ARHGAP8: variants seen among roughly 807,000 people sequenced by gnomAD.
ARHGAP8 encodes the protein Rho GTPase activating protein 8.
In ARHGAP8, 62 loss-of-function variants were observed where a neutral mutation model predicts 46.1. The observed-to-expected ratio is 1.34, with a 90% CI of 1.10 to 1.66. The LOEUF (loss-of-function observed/expected upper bound fraction) is 1.66. ARHGAP8 is among the 40% of genes most tolerant of loss of function. The pLI is 0.00. For missense variants in ARHGAP8, 923 were observed against 568.4 expected (o/e 1.62, Z -6.34); for synonymous variants, 375 against 243.1 (o/e 1.54, Z -5.05).
At chr22:44,766,889 T>G (rs1925614765) in intron 1 of ARHGAP8, among the ~76,000 whole-genome samples, 1 of 151,576 alleles carries the variant, frequency 6.6e-6, no homozygotes. Flanking sequence ...GACAGGGGCT[T>G]TGGGGAGGCC....
At chr22:44,754,351 T>TGC in intron 1 of ARHGAP8, among the ~76,000 whole-genome samples, 4 of 146,794 alleles carry the variant, frequency 2.7e-5, no homozygotes, top group Non-Finnish European at 6.0e-5. Context: ...TGTGTGTGTG[T>TGC]GTGTGTGTGT....
intron 7 of ARHGAP8, among the ~76,000 whole-genome samples, chr22:44,836,954 G>A (rs780208597): frequency 6.6e-6 from 1 of 151,860 alleles, no homozygotes; most frequent in Non-Finnish European, 1.5e-5. Context: ...TCTCGATCTC[G>A]TCTCAGTGCA....
At chr22:44,779,109 T>C (rs1289994325) in intron 1 of ARHGAP8, among the ~76,000 whole-genome samples, 1 of 150,996 alleles carries the variant, frequency 6.6e-6, no homozygotes, top group Non-Finnish European at 1.5e-5. Flanking sequence ...TTTTTTTTTT[T>C]TTTTTTTTGA....
At chr22:44,753,208 G>A (rs1569127713) in intron 1 of ARHGAP8, among the ~76,000 whole-genome samples, 1 of 151,334 alleles carries the variant, frequency 6.6e-6, no homozygotes, top group Non-Finnish European at 1.5e-5. Context: ...GAACCCCCCG[G>A]GAGTTAAAAG....
In ARHGAP8 at chr22:44,848,958, G is replaced by T. The variant is rs150614994; in HGVS notation, c.775G>T (p.Gly259Trp). ...QGKPVNFDDY[G>W]DIHIPAVILK... is the part of the protein sequence containing the mutation. ...GAAGCCCGTGAACTTTGACGACTAC[G>T]GGGACATTCACATCCCTGCCGTGAT... Residue 259 changes from glycine (G) to tryptophan (W), a missense_variant, in exon 10 of 12, where the codon GGG becomes TGG. Coordinates refer to ENST00000356099, the MANE Select transcript of ARHGAP8 (RefSeq NM_181335.3). 16 of 1,613,988 alleles carry T rather than the reference G, an allele frequency of 9.9e-6. No homozygotes were observed. In the African/African-American group the frequency reaches 1.6e-4, roughly 16 times the overall value.
chr22:44,769,129 C>T lies in ARHGAP8; in HGVS notation c.-72+16502C>T, dbSNP rs114039189. The stretch of plus-strand genomic sequence containing the variant: ...GGATTACAGGCATGAGGCACCGTGC[C>T]CGGCCTAAGCCACTGCTCTGGGCTG... On this transcript the variant is annotated intron_variant, in intron 1 of 11. Transcript: ENST00000356099. Among the ~76,000 whole-genome samples, 649 of 152,324 alleles carry T rather than the reference C, an allele frequency of 4.3e-3. 3 individuals carry two copies. Among genetic ancestry groups the T allele is most frequent in the African/African-American group, 0.015 (608 of 41,574 alleles).
intron 5 of ARHGAP8, among the ~76,000 whole-genome samples, chr22:44,815,271 G>A (rs920602474): frequency 2.6e-5 from 4 of 152,280 alleles, no homozygotes; most frequent in South Asian, 2.1e-4. Context: ...ATGGCTGGCC[G>A]CGGAAGCTCA....
chr22:44,831,542 C>CA (rs1569168332), intron 7 of ARHGAP8, among the ~76,000 whole-genome samples: 2 of 151,920 alleles, frequency 1.3e-5, no homozygotes, highest in Non-Finnish European at 2.9e-5. Flanking sequence ...ACTAATAATA[C>CA]AAAAAAATGT....
chr22:44,812,370 T>A (rs921342664), intron 4 of ARHGAP8, among the ~76,000 whole-genome samples: 7 of 150,870 alleles, frequency 4.6e-5, no homozygotes, highest in Non-Finnish European at 8.9e-5. Flanking sequence ...TTCTGTTTTT[T>A]TTTTTGAGAC....
chr22:44,860,715 C>G (rs372272977), intron 11 of ARHGAP8, among the ~76,000 whole-genome samples: 2 of 152,042 alleles, frequency 1.3e-5, no homozygotes, highest in African/African-American at 4.8e-5. Flanking sequence ...GTGCTCTCCC[C>G]CTGGGGCAGG....
intron 2 of ARHGAP8, among the ~76,000 whole-genome samples, chr22:44,793,637 G>A (rs1401333073): frequency 4.6e-5 from 7 of 152,124 alleles, no homozygotes; most frequent in Non-Finnish European, 1.0e-4. Flanking sequence ...CTCGCCCCAC[G>A]CACCCTGTGG....
At chr22:44,849,293 G>A (rs2070038120) in intron 10 of ARHGAP8, 2 of 703,786 alleles carry the variant, frequency 2.8e-6, no homozygotes, top group South Asian at 2.0e-5. Context: ...GGTTGTCCAG[G>A]CCGGTCTCTC....
chr22:44,756,027 T>TG (rs1313009611), intron 1 of ARHGAP8, among the ~76,000 whole-genome samples: 3 of 152,262 alleles, frequency 2.0e-5, no homozygotes, highest in South Asian at 2.1e-4. Context: ...CTCCTGACCT[T>TG]GGGGGAAGAT....
At chr22:44,859,110 G>C (rs1016297578) in intron 10 of ARHGAP8, among the ~76,000 whole-genome samples, 2 of 152,070 alleles carry the variant, frequency 1.3e-5, no homozygotes, top group African/African-American at 4.8e-5. Flanking sequence ...AAAGTGATTC[G>C]GCTTTAGCAG....
At position 44,849,435 on chromosome 22, in the gene ARHGAP8, C is replaced by T. The variant is rs1043001043; in HGVS notation, c.877+375C>T. 8 of 263,798 alleles carry T rather than the reference C, an allele frequency of 3.0e-5. No homozygotes were observed. The East Asian group carries it at 6.9e-4, about 23-fold the overall frequency. The allele number at this position is 263,798 out of a possible 1,614,324, so 16.3% of individuals were successfully genotyped here. ...AGCTCTCTCATCTAGAAAGGGCTCT[C>T]GGCATTTCTCCCCAGATCATTGTAG... On this transcript the variant is annotated intron_variant, in intron 10 of 11. Coordinates refer to ENST00000356099, the MANE Select transcript of ARHGAP8 (RefSeq NM_181335.3).
intron 1 of ARHGAP8, among the ~76,000 whole-genome samples, chr22:44,760,149 C>T (rs867392520): frequency 2.4e-4 from 36 of 152,342 alleles, no homozygotes; most frequent in Middle Eastern, 6.8e-3. Flanking sequence ...TATCTGCTAC[C>T]TGGACAAATG....
intron 1 of ARHGAP8, among the ~76,000 whole-genome samples, chr22:44,763,154 G>T (rs956942992): frequency 6.6e-6 from 1 of 152,054 alleles, no homozygotes; most frequent in Admixed American, 6.6e-5. Context: ...CCTTTTTTCA[G>T]TGCCTGCTCA....
At chr22:44,785,389 T>C (rs78187602) in intron 1 of ARHGAP8, among the ~76,000 whole-genome samples, 1 of 152,092 alleles carries the variant, frequency 6.6e-6, no homozygotes, top group Non-Finnish European at 1.5e-5. Context: ...AGCTGCACTT[T>C]CCCGAAGGCT....
chr22:44,828,117 C>T (rs1350546268), intron 7 of ARHGAP8, among the ~76,000 whole-genome samples: 3 of 152,236 alleles, frequency 2.0e-5, no homozygotes, highest in African/African-American at 7.2e-5. Context: ...ACTAGGCGCA[C>T]ACACGAGGAG....
Sources: allele counts gnomAD v4.1 joint callset (sites outside exome capture counted in the v4.1 genomes callset), GRCh38; gene constraint gnomAD v4.1.1; transcripts MANE v1.5; gene names NCBI Gene and HGNC (gene_info 2026-07-23, HGNC 2026-07-21).